The following ADAMTSL1 variants were observed in gnomAD, a reference collection of about 807,000 sequenced individuals.
The protein encoded by ADAMTSL1 is ADAMTS like 1.
In ADAMTSL1, 126 loss-of-function variants were observed where a neutral mutation model predicts 201.8. That is an observed-to-expected ratio of 0.62 (90% CI 0.54 to 0.72). ADAMTSL1 has a LOEUF of 0.72. ADAMTSL1 is among the 30% of genes least tolerant of loss of function. The pLI is 0.00. For missense variants in ADAMTSL1, 2,679 were observed against 2,277.8 expected, an observed-to-expected ratio of 1.18 and a Z score of -3.59; for synonymous variants, 1,121 against 903.4, an observed-to-expected ratio of 1.24 and a Z score of -4.32.
chr9:18,070,821 T>C (rs932631771), intron 1 of ADAMTSL1, among the ~76,000 whole-genome samples: 4 of 152,068 alleles, frequency 2.6e-5, no homozygotes, highest in Admixed American at 2.0e-4. Flanking sequence ...CTGAACAGCA[T>C]AGAAGGACTG....
rs182780950 is a variant in ADAMTSL1, at chr9:18,656,904, C to A, written c.835-735C>A. ...TTCTCAACCTTGTACTCTTAAGAACCATTAAGGACTTGTCTCACATACCCC... is the reference window on the plus strand; with the variant it reads ...TTCTCAACCTTGTACTCTTAAGAACAATTAAGGACTTGTCTCACATACCCC... On this transcript the variant is annotated intron_variant, in intron 7 of 28. Transcript: ENST00000380548. 1.8e-3 allele frequency among the ~76,000 whole-genome samples: 273 copies of A among 151,878 alleles called. 1 individual carries two copies. Among genetic ancestry groups the A allele is most frequent in the Non-Finnish European group, 2.7e-3 (182 of 67,970 alleles).
chr9:18,469,667 T>C (rs2131741224), upstream of ADAMTSL1, among the ~76,000 whole-genome samples: 2 of 152,328 alleles, frequency 1.3e-5, no homozygotes, highest in African/African-American at 4.8e-5. Context: ...AGCTAATAAA[T>C]GCATGTCCCA....
chr9:18,101,856 C>G (rs1014396123), intron 1 of ADAMTSL1, among the ~76,000 whole-genome samples: 1 of 152,122 alleles, frequency 6.6e-6, no homozygotes, highest in Non-Finnish European at 1.5e-5. Context: ...GACTTTAGAT[C>G]AGAGGATGGG....
intron 1 of ADAMTSL1, among the ~76,000 whole-genome samples, chr9:17,979,959 A>G (rs569948168): frequency 6.6e-6 from 1 of 152,162 alleles, no homozygotes; most frequent in East Asian, 1.9e-4. Flanking sequence ...GCTAACATGA[A>G]GCTTGGAACC....
At chr9:18,195,577 G>A (rs1287741345) in intron 2 of ADAMTSL1, among the ~76,000 whole-genome samples, 1 of 152,160 alleles carries the variant, frequency 6.6e-6, no homozygotes, top group Non-Finnish European at 1.5e-5. Context: ...TCTCTTTGAA[G>A]AAGTAATGAT....
At chr9:18,886,016 G>A (rs112169943) in intron 23 of ADAMTSL1, among the ~76,000 whole-genome samples, 16 of 151,752 alleles carry the variant, frequency 1.1e-4, no homozygotes, top group African/African-American at 3.6e-4. Context: ...GCCAGGTGTG[G>A]TGGCTCACTT....
intron 1 of ADAMTSL1, among the ~76,000 whole-genome samples, chr9:17,965,956 T>C (rs1368482234): frequency 6.6e-6 from 1 of 152,196 alleles, no homozygotes; most frequent in Non-Finnish European, 1.5e-5. Flanking sequence ...TTGGGTCTTC[T>C]CTACTTTGTT....
At chr9:18,429,544 C>T (rs566919084) in intron 2 of ADAMTSL1, among the ~76,000 whole-genome samples, 169 of 152,058 alleles carry the variant, frequency 1.1e-3, no homozygotes, top group African/African-American at 3.9e-3. Context: ...AAATTAAAGT[C>T]GAATACCCAG....
intron 5 of ADAMTSL1, among the ~76,000 whole-genome samples, chr9:18,629,613 C>T (rs1034113010): frequency 2.6e-5 from 4 of 152,010 alleles, no homozygotes; most frequent in African/African-American, 9.7e-5. Context: ...GTGTATTATT[C>T]TTTATATAGA....
intron 1 of ADAMTSL1, among the ~76,000 whole-genome samples, chr9:17,987,728 T>A (rs1199372951): frequency 6.6e-6 from 1 of 152,070 alleles, no homozygotes; most frequent in Admixed American, 6.6e-5. Context: ...TTTTTTTGCT[T>A]TGGAGCCATT....
intron 17 of ADAMTSL1, among the ~76,000 whole-genome samples, chr9:18,771,324 C>T (rs531631017): frequency 2.4e-4 from 37 of 152,346 alleles, no homozygotes; most frequent in Non-Finnish European, 5.0e-4. Flanking sequence ...AATTTGATTT[C>T]CCTTGTTGTC....
intron 2 of ADAMTSL1, among the ~76,000 whole-genome samples, chr9:18,442,730 C>G (rs935896463): frequency 6.6e-6 from 1 of 152,168 alleles, no homozygotes; most frequent in African/African-American, 2.4e-5. Flanking sequence ...TTTCTTTTAT[C>G]TTTAAACGTT....
chr9:18,709,806 A>T (rs1832445945), intron 14 of ADAMTSL1, among the ~76,000 whole-genome samples: 1 of 152,208 alleles, frequency 6.6e-6, no homozygotes, highest in Non-Finnish European at 1.5e-5. Context: ...AGACAGTAAA[A>T]TCCACGTTAA....
intron 1 of ADAMTSL1, among the ~76,000 whole-genome samples, chr9:18,057,369 A>G (rs1033829649): frequency 6.6e-6 from 1 of 152,218 alleles, no homozygotes; most frequent in African/African-American, 2.4e-5. Flanking sequence ...GAATGATTTT[A>G]TAAACATCAT....
At chr9:18,534,100 T>C (rs1819611391) in intron 3 of ADAMTSL1, among the ~76,000 whole-genome samples, 1 of 152,184 alleles carries the variant, frequency 6.6e-6, no homozygotes, top group Non-Finnish European at 1.5e-5. Flanking sequence ...ATTCGAATGT[T>C]AGTCTTCAAA....
intron 2 of ADAMTSL1, among the ~76,000 whole-genome samples, chr9:18,523,658 A>G (rs1246012356): frequency 2.7e-5 from 4 of 148,740 alleles, no homozygotes; most frequent in East Asian, 2.0e-4. Context: ...CTTTCTACAT[A>G]TGGCTAGCCA....
At chr9:18,210,567 T>C (rs1829832341) in intron 2 of ADAMTSL1, among the ~76,000 whole-genome samples, 1 of 149,422 alleles carries the variant, frequency 6.7e-6, no homozygotes, top group Non-Finnish European at 1.5e-5. Flanking sequence ...ATGGATTTGT[T>C]AGTAGATGAA....
At chr9:17,954,184 A>G (rs1460517839) in intron 1 of ADAMTSL1, among the ~76,000 whole-genome samples, 1 of 152,184 alleles carries the variant, frequency 6.6e-6, no homozygotes, top group East Asian at 1.9e-4. Context: ...GCTGTGAGGA[A>G]GGGTAAAACT....
At chr9:18,216,610 A>G (rs537262603) in intron 2 of ADAMTSL1, among the ~76,000 whole-genome samples, 18 of 149,000 alleles carry the variant, frequency 1.2e-4, no homozygotes, top group Non-Finnish European at 2.1e-4. Context: ...TACATAACAG[A>G]TTTGGGCACG....
Sources: allele counts gnomAD v4.1 joint callset (sites outside exome capture counted in the v4.1 genomes callset), GRCh38; gene constraint gnomAD v4.1.1; transcripts MANE v1.5; gene names NCBI Gene and HGNC (gene_info 2026-07-23, HGNC 2026-07-21).